The following DHRS2 variants were observed in gnomAD, a reference collection of about 807,000 sequenced individuals.
The protein encoded by DHRS2 is dehydrogenase/reductase SDR family member 2, mitochondrial.
Under a neutral mutation model 26.3 loss-of-function variants are expected in DHRS2, and 29 were observed. The observed-to-expected ratio is 1.10, with a 90% CI of 0.82 to 1.50. The LOEUF (loss-of-function observed/expected upper bound fraction) is 1.50. Ranked by LOEUF, DHRS2 falls within the 40% of genes most tolerant of loss-of-function variation. DHRS2 has a pLI of 0.00. For synonymous variants in DHRS2, 164 were observed against 151.3 expected (o/e 1.08, Z -0.62); for missense variants, 439 against 367.1 (o/e 1.20, Z -1.60).
intron 4 of DHRS2, chr14:23,640,475 G>A (rs538799026): frequency 1.4e-4 from 140 of 979,130 alleles, no homozygotes; most frequent in Middle Eastern, 5.3e-4. Context: ...ACAAGGGACC[G>A]GGAGAGACCT....
At chr14:23,644,621 G>A in intron 7 of DHRS2, 78 bp downstream of exon 7, 1 of 1,603,746 alleles carries the variant, frequency 6.2e-7, no homozygotes, top group Non-Finnish European at 8.5e-7. Context: ...ATCAAGGGGT[G>A]ACTGAATCCT....
At chr14:23,639,745 A>T in intron 3 of DHRS2, 49 bp from the exon 4 acceptor site, 1 of 1,539,428 alleles carries the variant, frequency 6.5e-7, no homozygotes, top group Non-Finnish European at 8.7e-7. Context: ...CCTGGGAGGG[A>T]TAGTCCTCCT....
chr14:23,642,282 A>G, intron 4 of DHRS2: 1 of 497,698 alleles, frequency 2.0e-6, no homozygotes, highest in Non-Finnish European at 2.6e-6. Context: ...TCCTTATCAC[A>G]TGCTGTGAAC....
intron 4 of DHRS2, chr14:23,640,109 C>T: frequency 1.4e-6 from 1 of 718,878 alleles, no homozygotes; most frequent in Non-Finnish European, 1.9e-6. Flanking sequence ...CCCACACTTT[C>T]TGCTTTGTTT....
intron 1 of DHRS2, among the ~76,000 whole-genome samples, chr14:23,630,619 A>G (rs535033443): frequency 1.3e-5 from 2 of 152,334 alleles, no homozygotes; most frequent in Admixed American, 6.5e-5. Context: ...TTCTGAGCCA[A>G]ATGTGAGGAC....
Position 23,643,222 on chromosome 14 carries a change from A to C in DHRS2, c.488+3A>C, listed in dbSNP as rs2138391459. The stretch of plus-strand genomic sequence containing the variant: ...TTGCTGCCCTACATGGAGAACAGGT[A>C]TGGCAGGGCGGGGGTGGGGACCAGT... On this transcript the variant is annotated splice_donor_region_variant and intron_variant, in intron 5 of 8. Transcript: ENST00000250383. 6.2e-7 allele frequency: 1 copy of C among 1,613,774 alleles called. No individual in the cohort carries two copies. The highest frequency in any genetic ancestry group is 1.1e-5 in the South Asian group (1 of 91,054).
intron 4 of DHRS2, chr14:23,640,419 ATCCCAGCCTGCTGTAAG>A (rs1890601922): frequency 1.6e-5 from 16 of 985,468 alleles, no homozygotes; most frequent in Non-Finnish European, 1.8e-5. Context: ...GGGCTTAGAC[ATCCCAGCCTGCTGTAAG>A]TCCATTCAAG....
chr14:23,643,220 G>A lies in DHRS2; in HGVS notation c.488+1G>A. On this transcript the variant is annotated splice_donor_variant, in intron 5 of 8. Transcript: ENST00000250383. LOFTEE classifies it high-confidence loss of function. ...AGTTGCTGCCCTACATGGAGAACAG[G>A]TATGGCAGGGCGGGGGTGGGGACCA... 1 of 1,613,930 alleles carries A rather than the reference G, an allele frequency of 6.2e-7. No homozygotes were observed. Among genetic ancestry groups the A allele is most frequent in the Non-Finnish European group, 8.5e-7 (1 of 1,179,994 alleles).
Position 23,644,139 on chromosome 14 carries a change from A to G in DHRS2, c.517A>G (p.Ile173Val). ...GGGTGCTGTCATCCTGGTCTCTTCC[A>G]TTGCAGCTTATAATCCAGTAGTGGT... ...RRGAVILVSSIAAYNPVVALG... is the reference protein window; with the variant it reads ...RRGAVILVSSVAAYNPVVALG... The change falls in exon 6 of 9, where the codon ATT (isoleucine) becomes GTT (valine). Residue 173 changes from isoleucine (I) to valine (V), a missense_variant. By Grantham distance (29) the Ile-to-Val change is conservative. Coordinates refer to ENST00000250383, the MANE Select transcript of DHRS2 (RefSeq NM_005794.4). The G allele has an allele frequency of 6.2e-7, 1 of 1,614,108 alleles. No individual in the cohort carries two copies. Among genetic ancestry groups the G allele is most frequent in the Non-Finnish European group, 8.5e-7 (1 of 1,180,016 alleles).
chr14:23,643,208 C>T lies in DHRS2; in HGVS notation c.477C>T (p.Tyr159=). Residue 159 remains tyrosine (Y), a synonymous_variant, in exon 5 of 9, where the codon TAC becomes TAT. Coordinates refer to ENST00000250383, the MANE Select transcript of DHRS2 (RefSeq NM_005794.4). ...PALLLSQLLP[Y]MENRRGAVIL... is the part of the protein sequence containing the mutation. ...TGCTGCTGAGCCAGTTGCTGCCCTA[C>T]ATGGAGAACAGGTATGGCAGGGCGG... 6.2e-7 allele frequency: 1 copy of T among 1,614,020 alleles called. No individual in the cohort carries two copies. Among genetic ancestry groups the T allele is most frequent in the Non-Finnish European group, 8.5e-7 (1 of 1,179,978 alleles).
chr14:23,642,026 C>A, intron 4 of DHRS2: 1 of 1,109,338 alleles, frequency 9.0e-7, no homozygotes, highest in South Asian at 2.3e-5. Flanking sequence ...TTCACTTCTC[C>A]CCCGTTCCCA....
In DHRS2 at chr14:23,638,813, AT is replaced by A. The variant is rs1353316192; in HGVS notation, c.-38-12del. The A allele has an allele frequency of 8.8e-6, 14 of 1,586,808 alleles. No homozygotes were observed. In the African/African-American group the frequency reaches 1.9e-4, roughly 21 times the overall value. ...GAGGCATCAGTGATAAGTGAAATTG[AT>A]TCTTTCCCCCAGGCCTGATTCAGCA... On this transcript the variant is annotated splice_polypyrimidine_tract_variant and intron_variant, in intron 1 of 8. Transcript: ENST00000250383.
upstream of DHRS2, among the ~76,000 whole-genome samples, chr14:23,635,706 AG>A (rs1329311977): frequency 6.6e-6 from 1 of 152,234 alleles, no homozygotes; most frequent in Non-Finnish European, 1.5e-5. Flanking sequence ...GCTGCACTTG[AG>A]GAGCCCTTCA....
Position 23,643,075 on chromosome 14 carries a change from C to T in DHRS2, c.421-77C>T, listed in dbSNP as rs1165889591. The T allele has an allele frequency of 4.1e-6, 6 of 1,449,710 alleles. No homozygotes were observed. In the Admixed American group the frequency reaches 1.0e-4, roughly 25 times the overall value. The allele number at this position is 1,449,710 out of a possible 1,614,324, so 89.8% of individuals were successfully genotyped here. A position where few individuals can be genotyped will look rare whatever the true frequency, so the allele number is the denominator to read the frequency against. ...TGGGTCTACTGCACAAATTACAGGG[C>T]TCCAAGTGTCTTATGAGAGCAGGAC... On this transcript the variant is annotated intron_variant, in intron 4 of 8. Transcript: ENST00000250383.
chr14:23,640,499 G>A (rs1890607332), intron 4 of DHRS2: 1 of 945,308 alleles, frequency 1.1e-6, no homozygotes, highest in African/African-American at 1.8e-5. Flanking sequence ...AAAATGCCTT[G>A]AAGCTCATCT....
upstream of DHRS2, among the ~76,000 whole-genome samples, chr14:23,632,095 C>G (rs1890135787): frequency 6.6e-6 from 1 of 152,208 alleles, no homozygotes; most frequent in South Asian, 2.1e-4. Flanking sequence ...ACACATCTCA[C>G]AGGTGCTGTT....
At chr14:23,633,838 A>G (rs774872896), upstream of DHRS2, among the ~76,000 whole-genome samples, 15 of 152,186 alleles carry the variant, frequency 9.9e-5, no homozygotes, top group Non-Finnish European at 1.8e-4. Flanking sequence ...GAATTGGAGG[A>G]TTTAATTTTT....
Position 23,638,973 on chromosome 14 carries a change from C to T in DHRS2, c.109C>T (p.Arg37Trp), listed in dbSNP as rs144884940. Residue 37 changes from arginine (R) to tryptophan (W), a missense_variant, in exon 2 of 9, where the codon CGG becomes TGG. Physicochemically the swap from Arg to Trp is moderately radical, Grantham distance 101 (BLOSUM62 -3). Coordinates refer to ENST00000250383, the MANE Select transcript of DHRS2 (RefSeq NM_005794.4). ...AGACAGGAAGGGCGTCCTGGCTAACCGGGTAGCCGTGGTCACGGGGTCCAC... is the reference window on the plus strand; with the variant it reads ...AGACAGGAAGGGCGTCCTGGCTAACTGGGTAGCCGTGGTCACGGGGTCCAC... ...GIDRKGVLAN[R>W]VAVVTGSTSG... 920 of 1,613,648 alleles carry T rather than the reference C, an allele frequency of 5.7e-4. No homozygotes were observed. The highest frequency in any genetic ancestry group is 7.2e-4 in the Non-Finnish European group (852 of 1,180,032).
chr14:23,644,891 G>A lies in DHRS2; in HGVS notation c.731+9G>A, dbSNP rs1890814010. ...CATCATCAGCTGCAGAGGCAAGTGG[G>A]GTTTGGAGATTTGGTGGTCCATGTG... On this transcript the variant is annotated intron_variant, in intron 8 of 8. Transcript: ENST00000250383. 6.2e-7 allele frequency: 1 copy of A among 1,614,026 alleles called. No individual in the cohort carries two copies. The highest frequency in any genetic ancestry group is 8.5e-7 in the Non-Finnish European group (1 of 1,179,996).
Sources: gnomAD v4.1 joint callset for allele counts (sites outside exome capture counted in the v4.1 genomes callset) on GRCh38, gnomAD v4.1.1 for gene constraint, MANE v1.5 for transcripts, NCBI Gene and HGNC (gene_info 2026-07-23, HGNC 2026-07-21) for gene names.